The following SLC44A1 variants were observed in gnomAD, a reference collection of about 807,000 sequenced individuals.
SLC44A1 encodes the protein solute carrier family 44 member 1, also known as choline transporter-like protein 1.
A neutral mutation model predicts 79.3 loss-of-function variants in SLC44A1; 26 were observed. The observed-to-expected ratio is 0.33, with a 90% CI of 0.24 to 0.46. The LOEUF (loss-of-function observed/expected upper bound fraction) is 0.46. Among genes scored for constraint, SLC44A1 ranks in the 20% least tolerant of loss-of-function variants. The pLI is 1.00. For missense variants in SLC44A1, 688 were observed against 798.1 expected, an observed-to-expected ratio of 0.86 and a Z score of 1.66; for synonymous variants, 263 against 286.2, an observed-to-expected ratio of 0.92 and a Z score of 0.82.
chr9:105,335,829 A>G (rs1203915017), intron 4 of SLC44A1, 130 bp downstream of exon 4: 2 of 896,802 alleles, frequency 2.2e-6, no homozygotes, highest in Non-Finnish European at 3.3e-6. Flanking sequence ...CTTCCTTGCT[A>G]AAAAATATTA....
chr9:105,395,921 G>C lies in SLC44A1; in HGVS notation c.*6865G>C. ...GACTTTTTTTTTTTTTTTGTAAATT[G>C]TATTAGATACCCCACAGGAATGTGA... On this transcript the variant is annotated 3_prime_UTR_variant, in exon 16 of 16. Coordinates refer to ENST00000374720, the MANE Select transcript of SLC44A1 (RefSeq NM_080546.5). 1.1e-6 allele frequency: 1 copy of C among 919,538 alleles called. No individual in the cohort carries two copies. Among genetic ancestry groups the C allele is most frequent in the Non-Finnish European group, 1.3e-6 (1 of 780,170 alleles). The allele number at this position is 919,538 out of a possible 1,614,324, so 57.0% of individuals were successfully genotyped here.
At position 105,392,612 on chromosome 9, in the gene SLC44A1, C is replaced by A. The variant is rs573162665; in HGVS notation, c.*3556C>A. ...TAGAGCAGAGTTAATACCTCTCCCTCCCTCTTCAAAACAGCTACAGGAACT... is the reference window on the plus strand; with the variant it reads ...TAGAGCAGAGTTAATACCTCTCCCTACCTCTTCAAAACAGCTACAGGAACT... On this transcript the variant is annotated 3_prime_UTR_variant, in exon 16 of 16. Transcript: ENST00000374720. 157 of 985,382 alleles carry A rather than the reference C, an allele frequency of 1.6e-4. No homozygotes were observed. In the African/African-American group the frequency reaches 2.7e-3, roughly 17 times the overall value. The allele number at this position is 985,382 out of a possible 1,614,324, so 61.0% of individuals were successfully genotyped here.
rs1390471292 is a variant in SLC44A1 at position 105,365,746 on chromosome 9, A to G, written c.1410+107A>G. ...TTAAATACAAAGTTGTGTTTTCTTCAAAGTCTTTACAAGGCAAAATCCAGC... is the reference window on the plus strand; with the variant it reads ...TTAAATACAAAGTTGTGTTTTCTTCGAAGTCTTTACAAGGCAAAATCCAGC... On this transcript the variant is annotated intron_variant, in intron 11 of 15. Coordinates refer to ENST00000374720, the MANE Select transcript of SLC44A1 (RefSeq NM_080546.5). 2.5e-6 allele frequency: 3 copies of G among 1,205,050 alleles called. No individual in the cohort carries two copies. In the Admixed American group the frequency reaches 6.1e-5, roughly 25 times the overall value. 74.6% of individuals were successfully genotyped at this position (1,205,050 alleles called of 1,614,324 possible).
At chr9:105,323,097 T>C (rs1170695731) in intron 3 of SLC44A1, among the ~76,000 whole-genome samples, 1 of 147,976 alleles carries the variant, frequency 6.8e-6, no homozygotes, top group Non-Finnish European at 1.5e-5. Context: ...GCACCTGTAA[T>C]CCCAGCCACT....
rs1347684745 is a variant in SLC44A1, at chr9:105,362,875, G to A, written c.955G>A (p.Ala319Thr). The A allele has an allele frequency of 3.1e-6, 5 of 1,613,310 alleles. No homozygotes were observed. Among genetic ancestry groups the A allele is most frequent in the East Asian group, 2.2e-5 (1 of 44,832 alleles). ...VMRKRVALTI[A>T]LFHVAGKVFI... is the part of the protein sequence containing the mutation. The stretch of plus-strand genomic sequence containing the variant: ...GCGCAAACGTGTTGCTCTTACCATC[G>A]CCTTGTTCCACGTAGCTGGCAAGGT... Residue 319 changes from alanine to threonine, a missense_variant, in exon 9 of 16, where the codon GCC becomes ACC. By Grantham distance (58) the Ala-to-Thr change is moderately conservative. Coordinates refer to ENST00000374720, the MANE Select transcript of SLC44A1 (RefSeq NM_080546.5).
At chr9:105,362,515 G>T (rs986020898) in intron 8 of SLC44A1, among the ~76,000 whole-genome samples, 4 of 152,046 alleles carry the variant, frequency 2.6e-5, no homozygotes, top group African/African-American at 7.2e-5. Flanking sequence ...TAAATAAAGA[G>T]TCTCATCCTG....
At chr9:105,378,117 G>A (rs554347602) in intron 13 of SLC44A1, among the ~76,000 whole-genome samples, 5 of 152,320 alleles carry the variant, frequency 3.3e-5, no homozygotes, top group Admixed American at 6.5e-5. Flanking sequence ...GCATATAGTG[G>A]TACATGCCTG....
At chr9:105,403,587 T>C (rs10114564) in intron 15 of SLC44A1, among the ~76,000 whole-genome samples, 7,755 of 149,714 alleles carry the variant, frequency 0.052, 673 homozygotes, top group African/African-American at 0.18. Context: ...CAGCCTCTGC[T>C]CTCTGAAAAC....
chr9:105,399,562 C>T (rs1356875237), downstream of SLC44A1, among the ~76,000 whole-genome samples: 2 of 152,110 alleles, frequency 1.3e-5, no homozygotes, highest in East Asian at 1.9e-4. Flanking sequence ...ATGTAAGAAT[C>T]CCAGGCTAGG....
chr9:105,261,039 CT>C (rs1829827323), intron 1 of SLC44A1, among the ~76,000 whole-genome samples: 1 of 152,184 alleles, frequency 6.6e-6, no homozygotes, highest in African/African-American at 2.4e-5. Flanking sequence ...ACAAATACAA[CT>C]TGCCAATGGA....
At chr9:105,405,900 G>T (rs79831054) in intron 15 of SLC44A1, among the ~76,000 whole-genome samples, 3,773 of 152,216 alleles carry the variant, frequency 0.025, 54 homozygotes, top group Middle Eastern at 0.048. Flanking sequence ...ATACACGGAG[G>T]AATAACAGCT....
intron 4 of SLC44A1, among the ~76,000 whole-genome samples, chr9:105,346,137 A>C (rs922802792): frequency 6.6e-6 from 1 of 152,138 alleles, no homozygotes; most frequent in Non-Finnish European, 1.5e-5. Context: ...CTGTTCATCA[A>C]CCCTTTGAGC....
At chr9:105,258,635 AC>A (rs1012099197) in intron 1 of SLC44A1, among the ~76,000 whole-genome samples, 16 of 152,058 alleles carry the variant, frequency 1.1e-4, no homozygotes, top group Non-Finnish European at 2.1e-4. Context: ...TACCTTAGAT[AC>A]CACTTTTTTG....
At chr9:105,340,667 GAGA>G (rs1310050842) in intron 4 of SLC44A1, among the ~76,000 whole-genome samples, 1 of 152,186 alleles carries the variant, frequency 6.6e-6, no homozygotes, top group Non-Finnish European at 1.5e-5. Flanking sequence ...TTACTAGAAT[GAGA>G]AGATAATATA....
At chr9:105,244,930 C>A in intron 1 of SLC44A1, 26 bp downstream of exon 1, 1 of 1,171,638 alleles carries the variant, frequency 8.5e-7, no homozygotes, top group Non-Finnish European at 1.1e-6. Flanking sequence ...CTCCCGGCCG[C>A]CCGCCCGGAT....
intron 1 of SLC44A1, among the ~76,000 whole-genome samples, chr9:105,281,860 T>C (rs1439257709): frequency 1.3e-5 from 2 of 152,190 alleles, no homozygotes; most frequent in African/African-American, 2.4e-5. Flanking sequence ...GGGAGCCATA[T>C]TGTTTAAGTT....
chr9:105,398,262 T>C (rs1828912502), downstream of SLC44A1, among the ~76,000 whole-genome samples: 1 of 152,232 alleles, frequency 6.6e-6, no homozygotes, highest in Admixed American at 6.5e-5. Flanking sequence ...TGTTTTGTTA[T>C]TTTGGATTTT....
At chr9:105,435,387 T>C (rs7467335) in intron 15 of SLC44A1, among the ~76,000 whole-genome samples, 6 of 151,860 alleles carry the variant, frequency 4.0e-5, no homozygotes, top group Non-Finnish European at 8.8e-5. Context: ...GCAAAGAGTG[T>C]TGGGAGTGGA....
At chr9:105,373,015 A>C (rs1588844477) in intron 12 of SLC44A1, among the ~76,000 whole-genome samples, 1 of 152,282 alleles carries the variant, frequency 6.6e-6, no homozygotes, top group Admixed American at 6.5e-5. Context: ...TGGCTCTGAA[A>C]TGTTCTGCAT....
Sources: gnomAD v4.1 joint callset for allele counts (sites outside exome capture counted in the v4.1 genomes callset) on GRCh38, gnomAD v4.1.1 for gene constraint, MANE v1.5 for transcripts, NCBI Gene and HGNC (gene_info 2026-07-23, HGNC 2026-07-21) for gene names.